The following DCLK1 variants were observed in gnomAD, a reference collection of about 807,000 sequenced individuals.
The protein encoded by DCLK1 is serine/threonine-protein kinase DCLK1.
In DCLK1, 16 loss-of-function variants were observed where a neutral mutation model predicts 86.2. The observed-to-expected ratio is 0.19, with a 90% confidence interval of 0.13 to 0.28. The LOEUF is 0.28. Among genes scored for constraint, DCLK1 ranks in the 10% least tolerant of loss-of-function variants. The probability of loss-of-function intolerance (pLI) is 1.00; values close to 1 mark genes in which losing one functional copy is unlikely to be tolerated. For synonymous variants in DCLK1, 369 were observed against 370.5 expected, an observed-to-expected ratio of 1.00 and a Z score of 0.05; for missense variants, 590 against 940.2, an observed-to-expected ratio of 0.63 and a Z score of 4.87.
chr13:35,958,257 AC>A lies in DCLK1; in HGVS notation c.724-10801del, dbSNP rs1314578229. Reference sequence around the variant, plus strand: ...CACCATCATCACCACCACCACTACCACTACTATAACCATTACCACCATCACT... The same window carrying A: ...CACCATCATCACCACCACCACTACCATACTATAACCATTACCACCATCACT... On this transcript the variant is annotated intron_variant, in intron 3 of 16. Coordinates refer to ENST00000360631, the MANE Select transcript of DCLK1 (RefSeq NM_001330071.2). 1.7e-3 allele frequency among the ~76,000 whole-genome samples: 212 copies of A among 122,580 alleles called. 6 individuals carry two copies. Among genetic ancestry groups the A allele is most frequent in the Middle Eastern group, 4.5e-3 (1 of 222 alleles). 80.4% of individuals were successfully genotyped at this position (122,580 alleles called of 152,430 possible).
intron 3 of DCLK1, among the ~76,000 whole-genome samples, chr13:35,961,456 C>A (rs1286208376): frequency 1.3e-5 from 2 of 152,176 alleles, no homozygotes; most frequent in Non-Finnish European, 2.9e-5. Flanking sequence ...ATTCAGACAA[C>A]CATAAGGCAT....
chr13:35,918,890 G>GTGTTTTTTTTTTTTTT lies in DCLK1; in HGVS notation c.823+28452_823+28467dup, dbSNP rs1875600054. On this transcript the variant is annotated intron_variant, in intron 4 of 16. Coordinates refer to ENST00000360631, the MANE Select transcript of DCLK1 (RefSeq NM_001330071.2). ...CCAAAAAGAAATCTTCCTTCTGAGT[G>GTGTTTTTTTTTTTTTT]TGTTTTTTTTTTTTTTTTTGGAAAC... is the stretch of plus-strand genomic sequence containing the variant. 1.4e-4 allele frequency among the ~76,000 whole-genome samples: 2 copies of GTGTTTTTTTTTTTTTT among 14,228 alleles called. 1 individual carries two copies. The highest frequency in any genetic ancestry group is 4.2e-4 in the Non-Finnish European group (2 of 4,814). The allele number at this position is 14,228 out of a possible 152,430, so 9.3% of individuals were successfully genotyped here. A position where few individuals can be genotyped will look rare whatever the true frequency, so the allele number is the denominator to read the frequency against.
At position 35,778,307 on chromosome 13, in the gene DCLK1, G is replaced by A. The variant is rs78456888; in HGVS notation, c.2059-3608C>T. Among the ~76,000 whole-genome samples the A allele has an allele frequency of 6.2e-3, 946 of 152,280 alleles. 7 individuals carry two copies. Among genetic ancestry groups the A allele is most frequent in the Non-Finnish European group, 9.2e-3 (628 of 68,032 alleles). On this transcript the variant is annotated intron_variant, in intron 16 of 16. Coordinates refer to ENST00000360631, the MANE Select transcript of DCLK1 (RefSeq NM_001330071.2). The stretch of plus-strand genomic sequence containing the variant: ...TGCTTCCAATAAAAACTTCCAGGGT[G>A]TATACCTATTATTACTCAAAATGAT...
intron 4 of DCLK1, among the ~76,000 whole-genome samples, chr13:35,933,239 C>T (rs904166495): frequency 3.3e-5 from 5 of 152,296 alleles, no homozygotes; most frequent in Admixed American, 1.3e-4. Flanking sequence ...GTACAGCTTC[C>T]CTCCCAGCTG....
chr13:35,889,557 A>T (rs1215258066), intron 4 of DCLK1, among the ~76,000 whole-genome samples: 1 of 152,094 alleles, frequency 6.6e-6, no homozygotes, highest in Non-Finnish European at 1.5e-5. Context: ...TTTTTGTTTT[A>T]ATTCTTTAAA....
intron 4 of DCLK1, among the ~76,000 whole-genome samples, chr13:35,939,983 T>C (rs1210273219): frequency 6.6e-6 from 1 of 152,184 alleles, no homozygotes; most frequent in Non-Finnish European, 1.5e-5. Context: ...TAAGATCCCC[T>C]GACATCTTTA....
rs545393192 is a variant in DCLK1, at chr13:35,784,744, C to T, written c.2058+8622G>A. 4.6e-5 allele frequency among the ~76,000 whole-genome samples: 7 copies of T among 152,164 alleles called. No individual in the cohort carries two copies. In the South Asian group the frequency reaches 1.5e-3, roughly 32 times the overall value. ...CTGCCAACCATGCTCTGGCTGTCCC[C>T]GGGGACAGCGTTCTCACTCTGCAGA... On this transcript the variant is annotated intron_variant, in intron 16 of 16. Transcript: ENST00000360631.
chr13:35,969,224 T>C (rs1410787088), intron 3 of DCLK1, among the ~76,000 whole-genome samples: 3 of 152,174 alleles, frequency 2.0e-5, no homozygotes, highest in African/African-American at 4.8e-5. Context: ...GCCACAAAGA[T>C]ACATCCAAGT....
chr13:35,802,901 A>G (rs905962046), intron 15 of DCLK1, among the ~76,000 whole-genome samples: 1 of 152,208 alleles, frequency 6.6e-6, no homozygotes, highest in Admixed American at 6.5e-5. Context: ...GAGAGCCTGC[A>G]GCTGGCTTGT....
chr13:35,864,876 T>C (rs534103511), intron 5 of DCLK1, among the ~76,000 whole-genome samples: 7 of 152,200 alleles, frequency 4.6e-5, no homozygotes, highest in Admixed American at 3.3e-4. Context: ...GGTCTCAAAC[T>C]CCTGAGCTCA....
chr13:35,890,869 C>CT (rs1159325515), intron 4 of DCLK1, among the ~76,000 whole-genome samples: 7 of 91,270 alleles, frequency 7.7e-5, no homozygotes, highest in Admixed American at 1.6e-4. Flanking sequence ...TATCCCTCTG[C>CT]TTTTTTTTCT....
At chr13:35,954,856 A>G (rs1354574711) in intron 3 of DCLK1, among the ~76,000 whole-genome samples, 1 of 152,182 alleles carries the variant, frequency 6.6e-6, no homozygotes, top group African/African-American at 2.4e-5. Context: ...AAAATGGATA[A>G]TACTGTTGAA....
chr13:36,023,978 C>T (rs1176329193), intron 3 of DCLK1, among the ~76,000 whole-genome samples: 1 of 146,426 alleles, frequency 6.8e-6, no homozygotes, highest in African/African-American at 2.5e-5. Flanking sequence ...TCACTGCAAC[C>T]TCCGCCTTCT....
intron 5 of DCLK1, among the ~76,000 whole-genome samples, chr13:35,857,566 T>A (rs1871136365): frequency 6.6e-6 from 1 of 152,238 alleles, no homozygotes; most frequent in Admixed American, 6.5e-5. Context: ...ACTCTTTTCC[T>A]TTTGCAGTGA....
chr13:35,948,232 T>C (rs1156911076), intron 3 of DCLK1, among the ~76,000 whole-genome samples: 2 of 152,250 alleles, frequency 1.3e-5, no homozygotes, highest in East Asian at 3.8e-4. Context: ...GGATAGACTA[T>C]GTAATATTTT....
intron 3 of DCLK1, among the ~76,000 whole-genome samples, chr13:36,090,586 G>C (rs1210546686): frequency 6.6e-6 from 1 of 152,132 alleles, no homozygotes; most frequent in African/African-American, 2.4e-5. Context: ...ACAGAACGTA[G>C]GTAGGAGAGG....
chr13:36,109,124 G>C (rs1369022800), intron 3 of DCLK1, among the ~76,000 whole-genome samples: 1 of 152,152 alleles, frequency 6.6e-6, no homozygotes, highest in African/African-American at 2.4e-5. Context: ...CAACGAATAA[G>C]TCTTTATGTT....
At chr13:35,940,175 C>A in intron 4 of DCLK1, among the ~76,000 whole-genome samples, 1 of 147,902 alleles carries the variant, frequency 6.8e-6, no homozygotes, top group African/African-American at 2.5e-5. Flanking sequence ...GAGCCGAGAT[C>A]ACGCCACTGC....
chr13:35,842,241 A>T (rs1869860378), intron 6 of DCLK1, among the ~76,000 whole-genome samples: 1 of 150,654 alleles, frequency 6.6e-6, no homozygotes, highest in Non-Finnish European at 1.5e-5. Flanking sequence ...AAAAAAAAAA[A>T]AAAAAAAAAA....
Sources: allele counts gnomAD v4.1 joint callset (sites outside exome capture counted in the v4.1 genomes callset), GRCh38; gene constraint gnomAD v4.1.1; transcripts MANE v1.5; gene names NCBI Gene and HGNC (gene_info 2026-07-23, HGNC 2026-07-21).